Variants in KHDRBS3 observed in about 807,000 individuals in gnomAD.
The protein encoded by KHDRBS3 is KH RNA binding domain containing, signal transduction associated 3.
In KHDRBS3, 23 loss-of-function variants were observed where a neutral mutation model predicts 45.6. That is an observed-to-expected ratio of 0.50 (90% confidence interval 0.36 to 0.72). The LOEUF is 0.72. Among genes scored for constraint, KHDRBS3 ranks in the 30% least tolerant of loss-of-function variants. The pLI, the probability that KHDRBS3 is intolerant of heterozygous loss-of-function variation, is 0.00. For missense variants in KHDRBS3, 352 were observed against 424.8 expected, an observed-to-expected ratio of 0.83 and a Z score of 1.51; for synonymous variants, 162 against 156.5, an observed-to-expected ratio of 1.04 and a Z score of -0.26.
At chr8:135,557,874 A>G (rs991720500) in intron 5 of KHDRBS3, among the ~76,000 whole-genome samples, 1 of 152,190 alleles carries the variant, frequency 6.6e-6, no homozygotes, top group Non-Finnish European at 1.5e-5. Context: ...TGGTCAAACA[A>G]TGTGATGTCA....
chr8:135,519,180 G>A (rs1023586099), intron 1 of KHDRBS3, among the ~76,000 whole-genome samples: 1 of 152,136 alleles, frequency 6.6e-6, no homozygotes, highest in Non-Finnish European at 1.5e-5. Flanking sequence ...CTTATCTTCA[G>A]TTTCTACCCT....
intron 1 of KHDRBS3, among the ~76,000 whole-genome samples, chr8:135,485,909 A>ATAATGTT (rs528448549): frequency 2.5e-4 from 38 of 149,034 alleles, no homozygotes; most frequent in Non-Finnish European, 5.0e-4. Flanking sequence ...GTTTACAAAG[A>ATAATGTT]TACACCAGGC....
At chr8:135,542,963 T>G (rs1826117278) in intron 3 of KHDRBS3, among the ~76,000 whole-genome samples, 193 bp downstream of exon 3, 1 of 152,218 alleles carries the variant, frequency 6.6e-6, no homozygotes, top group South Asian at 2.1e-4. Flanking sequence ...TAGTCATACA[T>G]TAAATAAAAA....
chr8:135,459,125 C>T (rs144910216), intron 1 of KHDRBS3, among the ~76,000 whole-genome samples: 65 of 152,300 alleles, frequency 4.3e-4, no homozygotes, highest in African/African-American at 1.4e-3. Flanking sequence ...AGTGCTCGCC[C>T]TGGCTTTTTT....
At chr8:135,599,315 TTTCTC>T (rs1328459982) in intron 6 of KHDRBS3, among the ~76,000 whole-genome samples, 1 of 152,230 alleles carries the variant, frequency 6.6e-6, no homozygotes, top group Non-Finnish European at 1.5e-5. Flanking sequence ...TAATAACTAA[TTTCTC>T]ATCCATGTTT....
At chr8:135,587,238 G>A (rs1253720213) in intron 6 of KHDRBS3, among the ~76,000 whole-genome samples, 1 of 152,198 alleles carries the variant, frequency 6.6e-6, no homozygotes, top group African/African-American at 2.4e-5. Context: ...CGGAGTTACT[G>A]TAACAAAATA....
At chr8:135,635,407 C>A (rs926678623) in intron 7 of KHDRBS3, among the ~76,000 whole-genome samples, 6 of 151,472 alleles carry the variant, frequency 4.0e-5, no homozygotes, top group Non-Finnish European at 7.4e-5. Context: ...GTTTTTGAGA[C>A]GGAGTCTTGC....
intron 1 of KHDRBS3, among the ~76,000 whole-genome samples, chr8:135,488,675 G>T (rs1319137763): frequency 6.6e-6 from 1 of 152,182 alleles, no homozygotes; most frequent in Non-Finnish European, 1.5e-5. Context: ...GATATTCATA[G>T]TATAGACTTC....
intron 7 of KHDRBS3, among the ~76,000 whole-genome samples, chr8:135,639,470 G>T (rs879261250): frequency 6.6e-6 from 1 of 152,194 alleles, no homozygotes; most frequent in African/African-American, 2.4e-5. Flanking sequence ...GAGATTGAAA[G>T]CTGGGTGTTT....
At chr8:135,551,104 G>C (rs532715779) in intron 4 of KHDRBS3, among the ~76,000 whole-genome samples, 1 of 152,168 alleles carries the variant, frequency 6.6e-6, no homozygotes, top group South Asian at 2.1e-4. Flanking sequence ...GTGTTTATTA[G>C]TTCCAGTGTG....
At chr8:135,499,711 C>T (rs1474588888) in intron 1 of KHDRBS3, among the ~76,000 whole-genome samples, 9 of 152,212 alleles carry the variant, frequency 5.9e-5, no homozygotes, top group Admixed American at 2.6e-4. Context: ...GTTTTAAAGG[C>T]GTTTATCTTA....
At chr8:135,619,628 A>G (rs547626939) in intron 7 of KHDRBS3, among the ~76,000 whole-genome samples, 2 of 152,362 alleles carry the variant, frequency 1.3e-5, no homozygotes, top group Admixed American at 6.5e-5. Flanking sequence ...TCATATATGG[A>G]AAGCATATCA....
At chr8:135,483,048 G>GT (rs936216423) in intron 1 of KHDRBS3, among the ~76,000 whole-genome samples, 26 of 151,902 alleles carry the variant, frequency 1.7e-4, no homozygotes, top group African/African-American at 4.8e-4. Context: ...ATCATTATTT[G>GT]TTTTTTTTGT....
chr8:135,495,561 G>T (rs1823395318), intron 1 of KHDRBS3, among the ~76,000 whole-genome samples: 1 of 152,176 alleles, frequency 6.6e-6, no homozygotes, highest in African/African-American at 2.4e-5. Flanking sequence ...CAGAATTTGT[G>T]CCAGTAAACA....
intron 5 of KHDRBS3, among the ~76,000 whole-genome samples, chr8:135,558,470 C>CT (rs1563767471): frequency 6.6e-6 from 1 of 152,062 alleles, no homozygotes; most frequent in Non-Finnish European, 1.5e-5. Flanking sequence ...TTGTATATCT[C>CT]TAAGTTTATT....
chr8:135,609,441 T>C (rs1333601312), intron 7 of KHDRBS3, among the ~76,000 whole-genome samples: 1 of 151,988 alleles, frequency 6.6e-6, no homozygotes, highest in Admixed American at 6.6e-5. Flanking sequence ...ATTACAGGCA[T>C]GTGCCACCAT....
At chr8:135,603,262 C>G (rs1829299020) in intron 6 of KHDRBS3, among the ~76,000 whole-genome samples, 1 of 152,198 alleles carries the variant, frequency 6.6e-6, no homozygotes, top group South Asian at 2.1e-4. Context: ...TGGTGTCTAG[C>G]AGAGTGCCAG....
chr8:135,568,152 A>C (rs1347586455), intron 5 of KHDRBS3, among the ~76,000 whole-genome samples: 1 of 152,248 alleles, frequency 6.6e-6, no homozygotes, highest in Non-Finnish European at 1.5e-5. Flanking sequence ...AATTTAAAGA[A>C]TATTAAAATA....
chr8:135,539,112 C>T (rs1005158635), intron 2 of KHDRBS3: 5 of 152,228 alleles, frequency 3.3e-5, no homozygotes, highest in Non-Finnish European at 7.3e-5. Flanking sequence ...AAACAGGACA[C>T]TTTGGTGAAG....
Sources: gnomAD v4.1 joint callset for allele counts (sites outside exome capture counted in the v4.1 genomes callset) on GRCh38, gnomAD v4.1.1 for gene constraint, MANE v1.5 for transcripts, NCBI Gene and HGNC (gene_info 2026-07-23, HGNC 2026-07-21) for gene names.